Variants in CNKSR2 observed in about 807,000 individuals in gnomAD.
CNKSR2 encodes connector enhancer of kinase suppressor of Ras 2.
A neutral mutation model predicts 84.4 loss-of-function variants in CNKSR2; 14 were observed. The ratio of observed to expected loss-of-function variants is 0.17; its 90% CI spans 0.11 to 0.26. The LOEUF (loss-of-function observed/expected upper bound fraction) is 0.26. Ranked by LOEUF, CNKSR2 falls within the 10% of genes least tolerant of loss-of-function variation. The pLI is 1.00. For synonymous variants in CNKSR2, 275 were observed against 277.9 expected, an observed-to-expected ratio of 0.99 and a Z score of 0.10; for missense variants, 485 against 771.2, an observed-to-expected ratio of 0.63 and a Z score of 4.40.
chrX:21,490,431 A>G, intron 5 of CNKSR2, 28 bp from the exon 6 acceptor site: 2 of 1,182,350 alleles, frequency 1.7e-6, no homozygotes, highest in Non-Finnish European at 2.3e-6. Context: ...CGTATTTACC[A>G]CAACTATTTT....
chrX:21,506,987 GT>G (rs781431322), intron 8 of CNKSR2, among the ~76,000 whole-genome samples: 510 of 99,061 alleles, frequency 5.1e-3, no homozygotes, highest in Non-Finnish European at 6.6e-3. Flanking sequence ...CCCCCCACCC[GT>G]TTTTTTTTTT....
chrX:21,484,680 T>G, intron 5 of CNKSR2, among the ~76,000 whole-genome samples: 1 of 111,937 alleles, frequency 8.9e-6, no homozygotes, highest in Non-Finnish European at 1.9e-5. Flanking sequence ...TTTCTGACTT[T>G]TTAAACTAAA....
intron 4 of CNKSR2, among the ~76,000 whole-genome samples, chrX:21,451,381 A>G (rs781028163): frequency 1.4e-3 from 157 of 111,168 alleles, no homozygotes; most frequent in African/African-American, 4.8e-3. Context: ...TCATGCTGCT[A>G]TAAAGACACA....
At position 21,574,404 on chromosome X, in the gene CNKSR2, G is replaced by A. The variant is rs772518008; in HGVS notation, c.1608+10952G>A. Among the ~76,000 whole-genome samples the A allele has an allele frequency of 4.7e-4, 52 of 111,620 alleles. 1 individual carries two copies. The highest frequency in any genetic ancestry group is 4.6e-3 in the Middle Eastern group (1 of 216). On this transcript the variant is annotated intron_variant, in intron 13 of 21. Transcript: ENST00000379510. ...GCTAATAAAGACATACCCAGGACTC[G>A]GTAATTATAAAGGAAAGAGATTTAA...
At chrX:21,535,096 T>A (rs1299702352) in intron 11 of CNKSR2, among the ~76,000 whole-genome samples, 1 of 111,394 alleles carries the variant, frequency 9.0e-6, no homozygotes, top group Admixed American at 9.6e-5. Context: ...TTTCTGAATA[T>A]GGATATCCAG....
At chrX:21,457,916 C>T (rs2091014296) in intron 4 of CNKSR2, among the ~76,000 whole-genome samples, 1 of 112,099 alleles carries the variant, frequency 8.9e-6, no homozygotes, top group Non-Finnish European at 1.9e-5. Flanking sequence ...ATGCTCTTGA[C>T]AACTCTACAA....
At chrX:21,514,253 G>A (rs1176623675) in intron 8 of CNKSR2, among the ~76,000 whole-genome samples, 2 of 111,506 alleles carry the variant, frequency 1.8e-5, no homozygotes, top group African/African-American at 6.5e-5. Flanking sequence ...ATTTCCTTAT[G>A]GTAGTGGAAG....
chrX:21,598,804 A>G (rs1400663741), intron 17 of CNKSR2, among the ~76,000 whole-genome samples: 1 of 112,755 alleles, frequency 8.9e-6, no homozygotes. Flanking sequence ...ACTTTGTTTT[A>G]TCTCTGTATC....
intron 2 of CNKSR2, chrX:21,428,500 A>G (rs2090593552): frequency 8.9e-6 from 1 of 111,978 alleles, no homozygotes; most frequent in Admixed American, 9.5e-5. Flanking sequence ...TATTGTTTGC[A>G]TCATGTTATT....
intron 13 of CNKSR2, among the ~76,000 whole-genome samples, chrX:21,586,617 A>T (rs903323826): frequency 8.9e-6 from 1 of 111,856 alleles, no homozygotes; most frequent in African/African-American, 3.2e-5. Context: ...CAATGAGGTG[A>T]TTTTCTTCAC....
rs1175523323 is a variant in CNKSR2 at position 21,440,786 on chromosome X, T to A, written c.519+5T>A. On this transcript the variant is annotated splice_donor_5th_base_variant and intron_variant, in intron 4 of 21. Coordinates refer to ENST00000379510, the MANE Select transcript of CNKSR2 (RefSeq NM_014927.5). ...TTAACAACAATTGTGCAACAGGTAT[T>A]AGCTGACAAACTTTCCTTCTGTTAA... 1 of 1,114,693 alleles carries A rather than the reference T, an allele frequency of 9.0e-7. No individual in the cohort carries two copies. The highest frequency in any genetic ancestry group is 2.3e-5 in the Admixed American group (1 of 42,800). The allele number at this position is 1,114,693 out of a possible 1,213,427, so 91.9% of individuals were successfully genotyped here. A position where few individuals can be genotyped will look rare whatever the true frequency, so the allele number is the denominator to read the frequency against.
intron 1 of CNKSR2, among the ~76,000 whole-genome samples, chrX:21,382,056 A>G (rs1241522253): frequency 8.9e-6 from 1 of 111,787 alleles, no homozygotes; most frequent in East Asian, 2.8e-4. Flanking sequence ...AGGCACTTAG[A>G]AAATATTTGT....
At chrX:21,449,655 G>A (rs895858130) in intron 4 of CNKSR2, among the ~76,000 whole-genome samples, 1 of 110,852 alleles carries the variant, frequency 9.0e-6, no homozygotes, top group African/African-American at 3.3e-5. Context: ...CATGCTCCAT[G>A]TGCATCCTGG....
At chrX:21,540,988 GT>G (rs376820459) in intron 11 of CNKSR2, among the ~76,000 whole-genome samples, 27 of 102,116 alleles carry the variant, frequency 2.6e-4, no homozygotes, top group Non-Finnish European at 3.4e-4. Context: ...ATATCTGGTT[GT>G]TTTTTTTTTT....
chrX:21,559,268 G>C (rs2092166475), intron 11 of CNKSR2, among the ~76,000 whole-genome samples: 1 of 110,421 alleles, frequency 9.1e-6, no homozygotes, highest in Admixed American at 9.6e-5. Context: ...GTTAGGTTCA[G>C]AACAGACAGT....
At position 21,653,825 on chromosome X, in the gene CNKSR2, C is replaced by CT. The variant is rs1424242444; in HGVS notation, c.*1305dup. The CT allele has an allele frequency of 1.8e-5, 2 of 111,256 alleles. No individual in the cohort carries two copies. The highest frequency in any genetic ancestry group is 3.8e-5 in the Non-Finnish European group (2 of 53,045). The allele number at this position is 111,256 out of a possible 1,213,427, so 9.2% of individuals were successfully genotyped here. A position where few individuals can be genotyped will look rare whatever the true frequency, so the allele number is the denominator to read the frequency against. The stretch of plus-strand genomic sequence containing the variant: ...TGCATAATGTACAAGTCACAATTTG[C>CT]TGTTTTTTTCAGGAGGAGAAAGGGA... On this transcript the variant is annotated 3_prime_UTR_variant, in exon 22 of 22. Coordinates refer to ENST00000379510, the MANE Select transcript of CNKSR2 (RefSeq NM_014927.5).
chrX:21,380,533 G>A (rs1002892754), intron 1 of CNKSR2, among the ~76,000 whole-genome samples: 7 of 97,053 alleles, frequency 7.2e-5, no homozygotes, highest in Admixed American at 3.7e-4. Context: ...TGCAACCTCC[G>A]CCTCCTGGGT....
At chrX:21,624,909 C>T (rs1282861845) in intron 20 of CNKSR2, among the ~76,000 whole-genome samples, 2 of 112,169 alleles carry the variant, frequency 1.8e-5, no homozygotes, top group South Asian at 3.7e-4. Context: ...CCCAATAGCT[C>T]ATAATTCAGG....
At chrX:21,583,269 G>A (rs1415920461) in intron 13 of CNKSR2, among the ~76,000 whole-genome samples, 1 of 111,366 alleles carries the variant, frequency 9.0e-6, no homozygotes, top group Admixed American at 9.5e-5. Context: ...GCACCAGAAT[G>A]AGCAAGGCCA....
Sources: allele counts gnomAD v4.1 joint callset (sites outside exome capture counted in the v4.1 genomes callset), GRCh38; gene constraint gnomAD v4.1.1; transcripts MANE v1.5; gene names NCBI Gene and HGNC (gene_info 2026-07-23, HGNC 2026-07-21).